ADAMTSL1: variants seen among roughly 807,000 people sequenced by gnomAD.
ADAMTSL1 encodes the protein ADAMTS like 1, also known as ADAMTS-like protein 1.
Under a neutral mutation model 201.8 loss-of-function variants are expected in ADAMTSL1, and 126 were observed. That is an observed-to-expected ratio of 0.62 (90% CI 0.54 to 0.72). ADAMTSL1 has a LOEUF of 0.72. Ranked by LOEUF, ADAMTSL1 falls within the 30% of genes least tolerant of loss-of-function variation. The probability of loss-of-function intolerance (pLI) is 0.00; values close to 1 mark genes in which losing one functional copy is unlikely to be tolerated. For missense variants in ADAMTSL1, 2,679 were observed against 2,277.8 expected (o/e 1.18, Z -3.59); for synonymous variants, 1,121 against 903.4 (o/e 1.24, Z -4.32).
chr9:18,583,287 C>G (rs953313020), intron 4 of ADAMTSL1, among the ~76,000 whole-genome samples: 7 of 152,172 alleles, frequency 4.6e-5, no homozygotes, highest in Non-Finnish European at 7.3e-5. Context: ...TGAAAGGGGT[C>G]AAGGTAGGGC....
At chr9:18,596,260 G>T (rs867546681) in intron 4 of ADAMTSL1, among the ~76,000 whole-genome samples, 12 of 152,182 alleles carry the variant, frequency 7.9e-5, no homozygotes, top group Admixed American at 6.5e-4. Context: ...GCTTATAATT[G>T]TGTAGTGATG....
intron 13 of ADAMTSL1, among the ~76,000 whole-genome samples, chr9:18,699,434 C>G (rs987390386): frequency 2.6e-5 from 4 of 151,294 alleles, no homozygotes; most frequent in Non-Finnish European, 5.9e-5. Context: ...AAGAGATCCT[C>G]CCACCTTAGC....
intron 1 of ADAMTSL1, among the ~76,000 whole-genome samples, chr9:18,106,782 C>T (rs1433403486): frequency 1.3e-5 from 2 of 152,126 alleles, no homozygotes; most frequent in South Asian, 2.1e-4. Context: ...AGCAATTGTA[C>T]ATTTGAGTTG....
chr9:18,680,607 CA>C, intron 11 of ADAMTSL1, 91 bp downstream of exon 11: 3 of 1,424,702 alleles, frequency 2.1e-6, no homozygotes, highest in Non-Finnish European at 9.8e-7. Context: ...TGAGCAGCTC[CA>C]CACTCTTCTT....
intron 2 of ADAMTSL1, among the ~76,000 whole-genome samples, chr9:18,186,305 A>T (rs1368152139): frequency 2.0e-5 from 3 of 152,198 alleles, no homozygotes; most frequent in Non-Finnish European, 4.4e-5. Context: ...AAAAAAGCAC[A>T]AAACTTGAAG....
chr9:18,635,840 C>A, intron 5 of ADAMTSL1, 103 bp from the exon 6 acceptor site: 2 of 908,254 alleles, frequency 2.2e-6, no homozygotes, highest in Non-Finnish European at 3.4e-6. Context: ...CTTAAAAAAA[C>A]TGTAGTTTTT....
chr9:18,146,813 A>C (rs1253472711), intron 1 of ADAMTSL1, among the ~76,000 whole-genome samples: 3 of 152,154 alleles, frequency 2.0e-5, no homozygotes, highest in Admixed American at 6.5e-5. Context: ...CTTCTGTATT[A>C]TTGAAAAATA....
chr9:18,639,325 G>A lies in ADAMTSL1; in HGVS notation c.748G>A (p.Asp250Asn). ...SLSSTGTFLV[D>N]NSSVDFQKFP... ...CAGCTCCACAGGAACTTTCCTTGTGGACAATTCTAGTGTGGACTTCCAGAA... is the reference window on the plus strand; with the variant it reads ...CAGCTCCACAGGAACTTTCCTTGTGAACAATTCTAGTGTGGACTTCCAGAA... Residue 250 changes from aspartate to asparagine, a missense_variant, in exon 7 of 29, where the codon GAC (aspartate) becomes AAC (asparagine). Physicochemically the swap from Asp to Asn is conservative, Grantham distance 23 (BLOSUM62 1). Coordinates refer to ENST00000380548, the MANE Select transcript of ADAMTSL1 (RefSeq NM_001040272.6). 6.2e-7 allele frequency: 1 copy of A among 1,613,032 alleles called. No homozygotes were observed. Among genetic ancestry groups the A allele is most frequent in the Non-Finnish European group, 8.5e-7 (1 of 1,179,346 alleles).
chr9:18,573,939 T>A, intron 3 of ADAMTSL1, 91 bp from the exon 4 acceptor site: 11 of 975,944 alleles, frequency 1.1e-5, no homozygotes, highest in Non-Finnish European at 1.7e-5. Context: ...TTTTGCTTTC[T>A]AAGACCTAAG....
intron 2 of ADAMTSL1, among the ~76,000 whole-genome samples, chr9:18,405,987 G>T (rs1346602775): frequency 6.6e-6 from 1 of 152,104 alleles, no homozygotes; most frequent in African/African-American, 2.4e-5. Flanking sequence ...CTTTAAACCT[G>T]GTTGCTTAGC....
intron 4 of ADAMTSL1, 45 bp downstream of exon 4, chr9:18,574,311 A>C (rs1409278150): frequency 1.3e-6 from 2 of 1,519,784 alleles, no homozygotes; most frequent in Non-Finnish European, 1.8e-6. Flanking sequence ...GAGGGTTTCA[A>C]TGTCTTTGTG....
intron 26 of ADAMTSL1, among the ~76,000 whole-genome samples, chr9:18,897,244 G>A (rs368024068): frequency 6.6e-6 from 1 of 152,228 alleles, no homozygotes; most frequent in East Asian, 1.9e-4. Context: ...GCCCCCGGGG[G>A]AAGGGGCAGT....
At chr9:17,908,049 T>G (rs1319451003) in intron 1 of ADAMTSL1, among the ~76,000 whole-genome samples, 1 of 152,130 alleles carries the variant, frequency 6.6e-6, no homozygotes, top group Non-Finnish European at 1.5e-5. Context: ...TATTTTAAAA[T>G]TTTGATTGCA....
intron 2 of ADAMTSL1, among the ~76,000 whole-genome samples, chr9:18,269,062 A>C (rs550318346): frequency 3.9e-5 from 6 of 152,274 alleles, no homozygotes; most frequent in African/African-American, 1.2e-4. Flanking sequence ...ATATTATCAC[A>C]TAGTATAAAA....
chr9:18,285,887 C>A (rs1196365560), intron 2 of ADAMTSL1, among the ~76,000 whole-genome samples: 1 of 152,100 alleles, frequency 6.6e-6, no homozygotes, highest in Non-Finnish European at 1.5e-5. Flanking sequence ...TTAAAGTGTG[C>A]AATTGACTGG....
intron 2 of ADAMTSL1, among the ~76,000 whole-genome samples, chr9:18,415,804 G>T (rs975707725): frequency 2.0e-5 from 3 of 151,830 alleles, no homozygotes; most frequent in Non-Finnish European, 4.4e-5. Context: ...TGCAGCCAGA[G>T]GAAAATGACA....
intron 2 of ADAMTSL1, among the ~76,000 whole-genome samples, chr9:18,316,553 T>G (rs953295276): frequency 5.9e-5 from 9 of 152,158 alleles, no homozygotes; most frequent in African/African-American, 2.2e-4. Flanking sequence ...ATGGCTCTGT[T>G]CCGCCTGGCT....
intron 2 of ADAMTSL1, among the ~76,000 whole-genome samples, chr9:18,250,861 C>T (rs534034692): frequency 7.9e-5 from 12 of 152,202 alleles, no homozygotes; most frequent in African/African-American, 2.6e-4. Flanking sequence ...GCCCGTTTGC[C>T]ACTGCTAAGG....
intron 14 of ADAMTSL1, chr9:18,718,158 C>T: frequency 6.1e-6 from 5 of 825,048 alleles, no homozygotes; most frequent in Non-Finnish European, 1.1e-5. Context: ...CCCTACAGCT[C>T]TTTCATCTTC....
Sources: allele counts gnomAD v4.1 joint callset (sites outside exome capture counted in the v4.1 genomes callset), GRCh38; gene constraint gnomAD v4.1.1; transcripts MANE v1.5; gene names NCBI Gene and HGNC (gene_info 2026-07-23, HGNC 2026-07-21).